The following CHRM3 variants were observed in gnomAD, a reference collection of about 807,000 sequenced individuals.
The protein encoded by CHRM3 is muscarinic acetylcholine receptor M3.
Under a neutral mutation model 41.8 loss-of-function variants are expected in CHRM3, and 11 were observed. The ratio of observed to expected loss-of-function variants is 0.26; its 90% CI spans 0.17 to 0.44. The LOEUF (loss-of-function observed/expected upper bound fraction) is 0.44, where lower values mean the gene tolerates loss of function less well. Among genes scored for constraint, CHRM3 ranks in the 20% least tolerant of loss-of-function variants. The probability of loss-of-function intolerance (pLI) is 1.00; values close to 1 mark genes in which losing one functional copy is unlikely to be tolerated. For missense variants in CHRM3, 571 were observed against 745.4 expected (o/e 0.77, Z 2.72); for synonymous variants, 297 against 301.4 (o/e 0.99, Z 0.15).
At chr1:239,407,050 A>G (rs1164001806) in intron 1 of CHRM3, among the ~76,000 whole-genome samples, 1 of 152,170 alleles carries the variant, frequency 6.6e-6, no homozygotes, top group Non-Finnish European at 1.5e-5. Context: ...CTAACCTTAC[A>G]AGTGAAAAAC....
intron 5 of CHRM3, among the ~76,000 whole-genome samples, chr1:239,808,324 A>G (rs76436438): frequency 0.048 from 7,360 of 152,242 alleles, 467 homozygotes; most frequent in East Asian, 0.16. Flanking sequence ...ATACCACTCA[A>G]TAAAATGCTA....
At chr1:239,640,095 T>A (rs919630244) in intron 4 of CHRM3, among the ~76,000 whole-genome samples, 1 of 151,852 alleles carries the variant, frequency 6.6e-6, no homozygotes, top group Non-Finnish European at 1.5e-5. Context: ...TGAACCAGCC[T>A]TGCATCCCAG....
At chr1:239,690,345 G>C (rs141982834) in intron 5 of CHRM3, among the ~76,000 whole-genome samples, 1 of 151,908 alleles carries the variant, frequency 6.6e-6, no homozygotes, top group Non-Finnish European at 1.5e-5. Context: ...TCAGTATCCC[G>C]AGTAGCTGGG....
chr1:239,469,350 G>T (rs919965868), intron 1 of CHRM3, among the ~76,000 whole-genome samples: 1 of 152,116 alleles, frequency 6.6e-6, no homozygotes. Context: ...TGTGCTGGTT[G>T]GACTGTGAGC....
At chr1:239,613,609 G>C (rs905698224) in intron 3 of CHRM3, among the ~76,000 whole-genome samples, 1 of 152,186 alleles carries the variant, frequency 6.6e-6, no homozygotes, top group African/African-American at 2.4e-5. Flanking sequence ...GGAAGCAAAG[G>C]CTCCATAGGG....
At chr1:239,633,638 G>A (rs923535368) in intron 4 of CHRM3, among the ~76,000 whole-genome samples, 3 of 152,160 alleles carry the variant, frequency 2.0e-5, no homozygotes, top group African/African-American at 7.2e-5. Flanking sequence ...GGTCCCTGGG[G>A]AGAGACTTTC....
At chr1:239,555,060 C>T (rs1393796531) in intron 3 of CHRM3, among the ~76,000 whole-genome samples, 1 of 152,074 alleles carries the variant, frequency 6.6e-6, no homozygotes, top group African/African-American at 2.4e-5. Flanking sequence ...CTTTTTAAAT[C>T]ATTCTAAAAT....
chr1:239,742,935 A>G (rs918078757), intron 5 of CHRM3, among the ~76,000 whole-genome samples: 1 of 152,140 alleles, frequency 6.6e-6, no homozygotes, highest in Non-Finnish European at 1.5e-5. Flanking sequence ...ATCTTCATCT[A>G]CTGAAGATAG....
chr1:239,779,871 A>G (rs1193943437), intron 5 of CHRM3, among the ~76,000 whole-genome samples: 2 of 152,202 alleles, frequency 1.3e-5, no homozygotes, highest in Non-Finnish European at 2.9e-5. Flanking sequence ...AGTGTCATAT[A>G]CTTGTAATCA....
Position 239,907,296 on chromosome 1 carries a change from A to G in CHRM3, c.-19-137A>G. 1 of 627,302 alleles carries G rather than the reference A, an allele frequency of 1.6e-6. No homozygotes were observed. The highest frequency in any genetic ancestry group is 2.0e-5 in the South Asian group (1 of 49,218). 38.9% of individuals were successfully genotyped at this position (627,302 alleles called of 1,614,324 possible). On this transcript the variant is annotated intron_variant, in intron 6 of 6. Coordinates refer to ENST00000676153, the MANE Select transcript of CHRM3 (RefSeq NM_001375978.1). The surrounding 1 kb of genome is among the most constrained non-coding windows in gnomAD (Gnocchi z 5.4). ...GACTCCACTTATTTAAAATAAGAGAATGAACTTGATGTTTGGCTTCATAGA... is the reference window on the plus strand; with the variant it reads ...GACTCCACTTATTTAAAATAAGAGAGTGAACTTGATGTTTGGCTTCATAGA...
At chr1:239,413,163 C>T (rs1661238582) in intron 1 of CHRM3, among the ~76,000 whole-genome samples, 1 of 151,932 alleles carries the variant, frequency 6.6e-6, no homozygotes, top group African/African-American at 2.4e-5. Context: ...TTAAGTCTAA[C>T]CAAGCCTTAC....
chr1:239,739,828 G>T (rs1664689289), intron 5 of CHRM3, among the ~76,000 whole-genome samples: 1 of 152,128 alleles, frequency 6.6e-6, no homozygotes, highest in African/African-American at 2.4e-5. Flanking sequence ...CATTTGGATT[G>T]TTCTTGCACT....
intron 5 of CHRM3, among the ~76,000 whole-genome samples, chr1:239,754,730 G>A (rs1390713715): frequency 6.6e-6 from 1 of 152,168 alleles, no homozygotes; most frequent in Non-Finnish European, 1.5e-5. Context: ...CAGAATCTGT[G>A]GGGACTAGTG....
chr1:239,618,716 C>G (rs546996523), intron 3 of CHRM3, among the ~76,000 whole-genome samples: 1 of 150,010 alleles, frequency 6.7e-6, no homozygotes, highest in East Asian at 2.1e-4. Context: ...TGGTGGCAGC[C>G]ACCTGTAGTC....
At chr1:239,753,604 T>A (rs1316591959) in intron 5 of CHRM3, among the ~76,000 whole-genome samples, 3 of 152,068 alleles carry the variant, frequency 2.0e-5, no homozygotes, top group African/African-American at 7.2e-5. Context: ...TCCCACCAGG[T>A]CCCTTCCCCA....
chr1:239,398,407 T>A (rs1659681130), intron 1 of CHRM3, among the ~76,000 whole-genome samples: 1 of 151,738 alleles, frequency 6.6e-6, no homozygotes, highest in African/African-American at 2.4e-5. Flanking sequence ...GGCTAATTTT[T>A]GTATTTTTGG....
chr1:239,576,907 G>A (rs1488031301), intron 3 of CHRM3, among the ~76,000 whole-genome samples: 2 of 152,122 alleles, frequency 1.3e-5, no homozygotes, highest in South Asian at 2.1e-4. Flanking sequence ...CTGCAAGCAC[G>A]ACCCTTCCCG....
intron 5 of CHRM3, among the ~76,000 whole-genome samples, chr1:239,687,622 A>G (rs1378772317): frequency 6.6e-6 from 1 of 152,178 alleles, no homozygotes; most frequent in Non-Finnish European, 1.5e-5. Flanking sequence ...GACAGTTAAG[A>G]AAATATTCAT....
intron 4 of CHRM3, among the ~76,000 whole-genome samples, chr1:239,661,559 T>C (rs1289888230): frequency 1.3e-5 from 2 of 152,142 alleles, no homozygotes; most frequent in African/African-American, 4.8e-5. Context: ...GAGCCAGGCT[T>C]AAAAGGTTAT....
Sources: allele counts gnomAD v4.1 joint callset (sites outside exome capture counted in the v4.1 genomes callset), GRCh38; gene constraint gnomAD v4.1.1; non-coding constraint Gnocchi (gnomAD v3.1); transcripts MANE v1.5; gene names NCBI Gene and HGNC (gene_info 2026-07-23, HGNC 2026-07-21).